Variants in TEX9 observed in about 807,000 individuals in gnomAD.
TEX9 encodes the protein testis expressed 9.
In TEX9, 74 loss-of-function variants were observed where a neutral mutation model predicts 59.6. The observed-to-expected ratio is 1.24, with a 90% CI of 1.03 to 1.51. The LOEUF is 1.51. TEX9 is among the 40% of genes most tolerant of loss of function. The pLI, the probability that TEX9 is intolerant of heterozygous loss-of-function variation, is 0.00. For synonymous variants in TEX9, 186 were observed against 152.2 expected (o/e 1.22, Z -1.64); for missense variants, 522 against 447.8 (o/e 1.17, Z -1.49).
the TEX9 span, among the ~76,000 whole-genome samples, chr15:56,458,702 C>T: frequency 6.6e-6 from 1 of 152,102 alleles, no homozygotes; most frequent in Non-Finnish European, 1.5e-5. Flanking sequence ...CGGAATTATA[C>T]AGAATGGAGC....
At chr15:56,339,383 C>CAAAAA (rs71456382) in intron 1 of TEX9, among the ~76,000 whole-genome samples, 2,536 of 30,510 alleles carry the variant, frequency 0.083, 480 homozygotes, top group Middle Eastern at 0.15. Context: ...ACTCCTTCTC[C>CAAAAA]AAAAAAAAAA....
intron 1 of TEX9, among the ~76,000 whole-genome samples, chr15:56,315,511 G>A (rs1162460637): frequency 2.0e-5 from 3 of 150,384 alleles, no homozygotes; most frequent in Non-Finnish European, 4.5e-5. Context: ...GGTTTCTGCC[G>A]AGAGATCCGC....
intron 12 of TEX9, chr15:56,429,235 A>G (rs1026838512): frequency 1.3e-5 from 16 of 1,260,966 alleles, no homozygotes; most frequent in Non-Finnish European, 1.8e-5. Context: ...GAATACCAGA[A>G]TATTTCACTA....
chr15:56,365,389 ATGT>A, upstream of TEX9: 1 of 1,579,328 alleles, frequency 6.3e-7, no homozygotes, highest in Non-Finnish European at 8.6e-7. Flanking sequence ...GGCAACCGGG[ATGT>A]GGAAACTCTC....
intron 2 of TEX9, among the ~76,000 whole-genome samples, chr15:56,373,029 C>T (rs1327121506): frequency 1.3e-5 from 2 of 152,122 alleles, no homozygotes; most frequent in Admixed American, 1.3e-4. Flanking sequence ...AGCAGGTCTC[C>T]CCCATACCGT....
chr15:56,359,625 GA>G (rs1421571724), intron 1 of TEX9, among the ~76,000 whole-genome samples: 8 of 152,006 alleles, frequency 5.3e-5, no homozygotes, highest in Non-Finnish European at 1.2e-4. Flanking sequence ...AGTTACAGGA[GA>G]GTTTTATTTC....
intron 1 of TEX9, among the ~76,000 whole-genome samples, chr15:56,348,300 A>C (rs917742065): frequency 6.6e-6 from 1 of 152,058 alleles, no homozygotes; most frequent in Non-Finnish European, 1.5e-5. Flanking sequence ...TCCTGGAAGT[A>C]GTTTGTTAGG....
intron 12 of TEX9, among the ~76,000 whole-genome samples, chr15:56,430,989 T>C (rs1423061250): frequency 2.0e-5 from 3 of 152,096 alleles, no homozygotes; most frequent in South Asian, 2.1e-4. Flanking sequence ...AGCAAAATCC[T>C]GTCCTTACCA....
intron 1 of TEX9, among the ~76,000 whole-genome samples, chr15:56,348,655 C>T (rs908536924): frequency 5.9e-5 from 9 of 152,070 alleles, no homozygotes; most frequent in Non-Finnish European, 1.3e-4. Flanking sequence ...TTTTCTTTGA[C>T]TGCCTTCAAG....
At chr15:56,426,254 A>C (rs1026164033) in intron 10 of TEX9, among the ~76,000 whole-genome samples, 1 of 151,666 alleles carries the variant, frequency 6.6e-6, no homozygotes, top group Admixed American at 6.6e-5. Flanking sequence ...AAGCAAGTCT[A>C]CTCTTTTCCC....
At chr15:56,287,384 T>G (rs186797441) in intron 1 of TEX9, among the ~76,000 whole-genome samples, 1 of 152,204 alleles carries the variant, frequency 6.6e-6, no homozygotes, top group East Asian at 1.9e-4. Flanking sequence ...TTAACTTTTT[T>G]AAAAAAATTA....
chr15:56,354,903 C>A (rs1596111899), intron 1 of TEX9, among the ~76,000 whole-genome samples: 2 of 152,112 alleles, frequency 1.3e-5, no homozygotes, highest in Non-Finnish European at 2.9e-5. Context: ...TCAAGTAAGT[C>A]AAACTGAATT....
chr15:56,430,143 CTATAGCTGAA>C (rs2050538174), intron 12 of TEX9: 1 of 152,126 alleles, frequency 6.6e-6, no homozygotes, highest in Non-Finnish European at 1.5e-5. Flanking sequence ...AATGGCATTT[CTATAGCTGAA>C]AGATGGCGAT....
At chr15:56,268,489 G>C (rs1052048847) in intron 1 of TEX9, among the ~76,000 whole-genome samples, 18 of 152,098 alleles carry the variant, frequency 1.2e-4, no homozygotes, top group Admixed American at 1.1e-3. Flanking sequence ...ATTATTTTGA[G>C]ATACGTCCCA....
intron 2 of TEX9, among the ~76,000 whole-genome samples, chr15:56,366,769 C>T (rs1438209637): frequency 3.9e-5 from 6 of 152,058 alleles, no homozygotes; most frequent in Admixed American, 1.3e-4. Flanking sequence ...CTAGAGTTAT[C>T]GTATGATCTA....
chr15:56,372,568 C>G (rs1226645342), intron 2 of TEX9, among the ~76,000 whole-genome samples: 1 of 152,120 alleles, frequency 6.6e-6, no homozygotes, highest in African/African-American at 2.4e-5. Flanking sequence ...GAGTTCAGTA[C>G]ATTATCTTAA....
At chr15:56,419,348 A>G (rs530311163) in intron 10 of TEX9, among the ~76,000 whole-genome samples, 1 of 151,928 alleles carries the variant, frequency 6.6e-6, no homozygotes, top group South Asian at 2.1e-4. Context: ...TGGGCTACAT[A>G]TGGTCCCTTG....
intron 9 of TEX9, among the ~76,000 whole-genome samples, chr15:56,400,003 G>A (rs966952860): frequency 6.6e-6 from 1 of 152,150 alleles, no homozygotes; most frequent in African/African-American, 2.4e-5. Flanking sequence ...AAGACCAAAG[G>A]TAGATAAAAC....
chr15:56,307,083 G>T (rs553301189), intron 1 of TEX9, among the ~76,000 whole-genome samples: 2 of 152,184 alleles, frequency 1.3e-5, no homozygotes, highest in South Asian at 2.1e-4. Flanking sequence ...ACACTTTCCT[G>T]GGGGGAAAAT....
Sources: gnomAD v4.1 joint callset for allele counts (sites outside exome capture counted in the v4.1 genomes callset) on GRCh38, gnomAD v4.1.1 for gene constraint, MANE v1.5 for transcripts, NCBI Gene and HGNC (gene_info 2026-07-23, HGNC 2026-07-21) for gene names.